The following GRB2 variants were observed in gnomAD, a reference collection of about 807,000 sequenced individuals.
GRB2 encodes the protein growth factor receptor-bound protein 2.
Under a neutral mutation model 27.4 loss-of-function variants are expected in GRB2, and 2 were observed. The observed-to-expected ratio is 0.07, with a 90% CI of 0.03 to 0.23. The LOEUF is 0.23. GRB2 is among the 10% of genes least tolerant of loss of function. The pLI is 1.00. For synonymous variants in GRB2, 94 were observed against 99.6 expected (o/e 0.94, Z 0.33); for missense variants, 102 against 282.4 (o/e 0.36, Z 4.58).
intron 5 of GRB2, among the ~76,000 whole-genome samples, chr17:75,321,326 G>A (rs1040384261): frequency 2.6e-5 from 4 of 151,778 alleles, no homozygotes; most frequent in South Asian, 2.1e-4. Flanking sequence ...GCAGGTGTGC[G>A]CCACCACATC....
At chr17:75,346,368 C>T (rs2078655090) in intron 2 of GRB2, among the ~76,000 whole-genome samples, 1 of 151,566 alleles carries the variant, frequency 6.6e-6, no homozygotes, top group Non-Finnish European at 1.5e-5. Context: ...CGGTGGCGGG[C>T]GCCTGTAGTC....
At chr17:75,336,803 T>C (rs4789171) in intron 2 of GRB2, among the ~76,000 whole-genome samples, 90,561 of 152,046 alleles carry the variant, frequency 0.6, 32,352 homozygotes, top group East Asian at 0.87. Context: ...AGTGGCATGA[T>C]CTCGGCTCAC....
intron 3 of GRB2, chr17:75,326,378 C>G (rs948203361): frequency 8.1e-6 from 2 of 247,124 alleles, no homozygotes; most frequent in Non-Finnish European, 1.6e-5. Context: ...GCTTGGTGTA[C>G]GGGATGAACT....
At chr17:75,349,059 C>T (rs1030253199) in intron 2 of GRB2, among the ~76,000 whole-genome samples, 25 of 152,168 alleles carry the variant, frequency 1.6e-4, no homozygotes, top group African/African-American at 6.0e-4. Context: ...AGGACAACTT[C>T]AAATAGTCTA....
Position 75,328,985 on chromosome 17 carries a change from C to T in GRB2, c.177-2965G>A, listed in dbSNP as rs192200426. 4.6e-4 allele frequency among the ~76,000 whole-genome samples: 69 copies of T among 149,008 alleles called. No individual in the cohort carries two copies. The East Asian group carries it at 5.1e-3, about 11-fold the overall frequency. ...TAAATAAATAAATAAGGACACTTAA[C>T]GGTATTGAGACCTTCTCAATCGGGG... is the stretch of plus-strand genomic sequence containing the variant. On this transcript the variant is annotated intron_variant, in intron 3 of 5. Transcript: ENST00000316804.
intron 3 of GRB2, among the ~76,000 whole-genome samples, chr17:75,329,042 T>C (rs1203844877): frequency 6.6e-6 from 1 of 152,076 alleles, no homozygotes; most frequent in African/African-American, 2.4e-5. Flanking sequence ...AACCTTCTCA[T>C]ATCGGGGGGC....
intron 2 of GRB2, among the ~76,000 whole-genome samples, chr17:75,350,649 G>A (rs577956529): frequency 6.6e-6 from 1 of 152,196 alleles, no homozygotes; most frequent in Admixed American, 6.5e-5. Flanking sequence ...CCGTCACCAC[G>A]CGCAGCTAAT....
At chr17:75,390,941 T>C in intron 2 of GRB2, among the ~76,000 whole-genome samples, 1 of 152,244 alleles carries the variant, frequency 6.6e-6, no homozygotes, top group East Asian at 1.9e-4. Context: ...TTTTAAAACA[T>C]GTTTTGGCTT....
intron 2 of GRB2, among the ~76,000 whole-genome samples, chr17:75,369,119 AG>A (rs1471914978): frequency 1.3e-5 from 2 of 152,232 alleles, no homozygotes; most frequent in Non-Finnish European, 2.9e-5. Context: ...GCTCCAGCCT[AG>A]GTCCTCTGTA....
intron 2 of GRB2, among the ~76,000 whole-genome samples, chr17:75,357,708 G>A (rs1415516308): frequency 4.6e-5 from 7 of 152,226 alleles, no homozygotes; most frequent in African/African-American, 7.2e-5. Context: ...ATCACCTGAC[G>A]TCACAAGTTC....
chr17:75,330,407 A>C (rs1380007729), intron 3 of GRB2, among the ~76,000 whole-genome samples: 1 of 151,266 alleles, frequency 6.6e-6, no homozygotes, highest in Non-Finnish European at 1.5e-5. Context: ...AAACAAACAA[A>C]AGATGGGCTT....
rs2078496761 is a variant in GRB2 at position 75,326,080 on chromosome 17, G to C, written c.177-60C>G. ...TCCCCACAAAGAAACGGGATATCCA[G>C]CCTTCAAAATGTGAGTAACACAACA... On this transcript the variant is annotated intron_variant, in intron 3 of 5. Transcript: ENST00000316804. The C allele has an allele frequency of 1.9e-6, 3 of 1,601,662 alleles. No homozygotes were observed. In the African/African-American group the frequency reaches 4.0e-5, roughly 21 times the overall value.
chr17:75,388,488 G>C (rs7217695), intron 2 of GRB2, among the ~76,000 whole-genome samples: 3 of 151,336 alleles, frequency 2.0e-5, no homozygotes, highest in Admixed American at 1.3e-4. Flanking sequence ...AAAGGCAAAG[G>C]CTGGGTGCAA....
At chr17:75,384,984 G>A (rs1281968006) in intron 2 of GRB2, among the ~76,000 whole-genome samples, 1 of 123,324 alleles carries the variant, frequency 8.1e-6, no homozygotes, top group Non-Finnish European at 1.6e-5. Context: ...TTGAGCCCAG[G>A]AGTTCGAGAC....
chr17:75,380,088 G>A (rs920808252), intron 2 of GRB2, among the ~76,000 whole-genome samples: 1 of 152,152 alleles, frequency 6.6e-6, no homozygotes, highest in African/African-American at 2.4e-5. Flanking sequence ...CATGTTTCTA[G>A]TTTATCTTAT....
chr17:75,361,822 A>G (rs1234910618), intron 2 of GRB2, among the ~76,000 whole-genome samples: 1 of 151,940 alleles, frequency 6.6e-6, no homozygotes, highest in Non-Finnish European at 1.5e-5. Flanking sequence ...TATTAAAATG[A>G]GAGATGAGAG....
rs7219 is a variant in GRB2 at position 75,319,287 on chromosome 17, C to T, written c.*1081G>A. 0.61 allele frequency: 91,303 copies of T among 150,120 alleles called. 31,773 individuals carry two copies. The highest frequency in any genetic ancestry group is 0.85 in the East Asian group (4,318 of 5,110). The allele number at this position is 150,120 out of a possible 1,614,324, so 9.3% of individuals were successfully genotyped here. The stretch of plus-strand genomic sequence containing the variant: ...AAATTGGCTGAAAAGCTCTGGACTG[C>T]CTTTAACTTATTTTAAAACAAAACA... On this transcript the variant is annotated 3_prime_UTR_variant, in exon 6 of 6. Coordinates refer to ENST00000316804, the MANE Select transcript of GRB2 (RefSeq NM_002086.5).
intron 2 of GRB2, among the ~76,000 whole-genome samples, chr17:75,385,047 AAAAAAAAAAAAG>A (rs1567874259): frequency 2.1e-4 from 18 of 84,540 alleles, no homozygotes; most frequent in East Asian, 6.0e-4. Context: ...AAAAAAAAAA[AAAAAAAAAAAAG>A]CAAACAAACA....
At chr17:75,371,794 G>C (rs1249619284) in intron 2 of GRB2, 1 of 151,362 alleles carries the variant, frequency 6.6e-6, no homozygotes, top group East Asian at 1.9e-4. Context: ...ACTGAAAATT[G>C]ACAAAATTTT....
Sources: gnomAD v4.1 joint callset for allele counts (sites outside exome capture counted in the v4.1 genomes callset) on GRCh38, gnomAD v4.1.1 for gene constraint, MANE v1.5 for transcripts, NCBI Gene and HGNC (gene_info 2026-07-23, HGNC 2026-07-21) for gene names.